Variants in PPHLN1 observed in about 807,000 individuals in gnomAD.
The protein encoded by PPHLN1 is periphilin-1.
PPHLN1 carries 29 observed loss-of-function variants against 51.3 expected under a neutral mutation model. The ratio of observed to expected loss-of-function variants is 0.57; its 90% confidence interval spans 0.42 to 0.77. The LOEUF is 0.77. PPHLN1 is among the 30% of genes least tolerant of loss of function. The pLI, the probability that PPHLN1 is intolerant of heterozygous loss-of-function variation, is 0.00. For synonymous variants in PPHLN1, 147 were observed against 147.8 expected (o/e 0.99, Z 0.04); for missense variants, 436 against 438.4 (o/e 0.99, Z 0.05).
rs748668942 is a variant in PPHLN1, at chr12:42,387,456, A to T, written c.569A>T (p.Asp190Val). ...KRQNEGNPER[D>V]KERPVQSLKT... ...TTACATCTTATGTTTTCTTATATAG[A>T]TAAAGAGAGGCCTGTCCAGTCTTTG... The change falls in exon 7 of 10, where the codon GAT becomes GTT. Residue 190 changes from aspartate to valine, a missense_variant and splice_region_variant. Coordinates refer to ENST00000358314, the MANE Select transcript of PPHLN1 (RefSeq NM_201439.2). The T allele has an allele frequency of 3.7e-6, 6 of 1,606,982 alleles. No homozygotes were observed. Among genetic ancestry groups the T allele is most frequent in the Non-Finnish European group, 5.1e-6 (6 of 1,178,040 alleles).
intron 4 of PPHLN1, among the ~76,000 whole-genome samples, chr12:42,369,591 C>A (rs2075606109): frequency 6.6e-6 from 1 of 152,198 alleles, no homozygotes; most frequent in Non-Finnish European, 1.5e-5. Context: ...CTCACATCAA[C>A]TCTGTGAAGT....
At chr12:42,396,304 T>TA (rs141496037) in intron 8 of PPHLN1, among the ~76,000 whole-genome samples, 30,201 of 151,954 alleles carry the variant, frequency 0.2, 3,397 homozygotes, top group African/African-American at 0.3. Context: ...AAGGCACACT[T>TA]AAAAAATACT....
chr12:42,345,574 A>C (rs7309736), intron 2 of PPHLN1, among the ~76,000 whole-genome samples: 1,941 of 151,282 alleles, frequency 0.013, 42 homozygotes, highest in African/African-American at 0.043. Context: ...GAAAATTCTG[A>C]TCTTTTTAAT....
rs1271516691 is a variant in PPHLN1 at position 42,341,339 on chromosome 12, A to G, written c.72+5365A>G. ...TATGATCAATTCTGATACAAAATAAATGTATTTGAGGAACTACTAGATGTG... is the reference window on the plus strand; with the variant it reads ...TATGATCAATTCTGATACAAAATAAGTGTATTTGAGGAACTACTAGATGTG... On this transcript the variant is annotated intron_variant, in intron 2 of 9. Coordinates refer to ENST00000358314, the MANE Select transcript of PPHLN1 (RefSeq NM_201439.2). 2.6e-5 allele frequency among the ~76,000 whole-genome samples: 4 copies of G among 152,146 alleles called. No homozygotes were observed. In the South Asian group the frequency reaches 6.2e-4, roughly 24 times the overall value.
chr12:42,425,267 T>G (rs1353372003), intron 9 of PPHLN1, among the ~76,000 whole-genome samples: 6 of 136,516 alleles, frequency 4.4e-5, no homozygotes, highest in Non-Finnish European at 9.6e-5. Flanking sequence ...TTTTTTTTTG[T>G]ATTTTTAGTA....
chr12:42,387,316 A>G (rs1466637796), intron 6 of PPHLN1, 140 bp from the exon 7 acceptor site: 1 of 849,830 alleles, frequency 1.2e-6, no homozygotes, highest in Non-Finnish European at 1.7e-6. Flanking sequence ...TTAGATATTA[A>G]CCTATTTAAT....
Position 42,442,084 on chromosome 12 carries a change from C to G in PPHLN1, c.*575C>G. 2.1e-6 allele frequency: 1 copy of G among 484,560 alleles called. No homozygotes were observed. Among genetic ancestry groups the G allele is most frequent in the Non-Finnish European group, 2.7e-6 (1 of 372,486 alleles). 30.0% of individuals were successfully genotyped at this position (484,560 alleles called of 1,614,324 possible). The stretch of plus-strand genomic sequence containing the variant: ...CTCAGTGTCTTCTATTACAATAATC[C>G]TGAAACTCCTGACTCTCTCACTGAT... On this transcript the variant is annotated 3_prime_UTR_variant, in exon 10 of 10. Coordinates refer to ENST00000358314, the MANE Select transcript of PPHLN1 (RefSeq NM_201439.2).
downstream of PPHLN1, chr12:42,447,991 A>G (rs1209374423): frequency 2.0e-5 from 3 of 152,198 alleles, no homozygotes; most frequent in Non-Finnish European, 2.9e-5. Context: ...CTTCCCTCAT[A>G]TGAGCAGTGA....
chr12:42,329,605 ATAC>A (rs1301821508), intron 1 of PPHLN1, among the ~76,000 whole-genome samples: 1 of 152,192 alleles, frequency 6.6e-6, no homozygotes, highest in Non-Finnish European at 1.5e-5. Context: ...ACTACTAGAA[ATAC>A]TACTAGTAGA....
intron 9 of PPHLN1, among the ~76,000 whole-genome samples, chr12:42,411,148 T>C (rs1227889320): frequency 6.6e-6 from 1 of 152,092 alleles, no homozygotes; most frequent in Non-Finnish European, 1.5e-5. Flanking sequence ...CCTTTCATTT[T>C]CCTTACACTT....
chr12:42,441,148 T>TTA (rs1264789438), intron 9 of PPHLN1, among the ~76,000 whole-genome samples, 167 bp from the exon 10 acceptor site: 2 of 152,210 alleles, frequency 1.3e-5, no homozygotes, highest in African/African-American at 4.8e-5. Flanking sequence ...GGATAGAGGT[T>TTA]TAAATGGCCT....
chr12:42,344,882 G>C (rs1293374073), intron 2 of PPHLN1, among the ~76,000 whole-genome samples: 1 of 151,866 alleles, frequency 6.6e-6, no homozygotes. Flanking sequence ...CTAATTTTGT[G>C]TATTTTTAGT....
At chr12:42,380,190 A>T (rs1327446076) in intron 5 of PPHLN1, among the ~76,000 whole-genome samples, 3 of 152,080 alleles carry the variant, frequency 2.0e-5, no homozygotes, top group Non-Finnish European at 4.4e-5. Flanking sequence ...AACATTTGCT[A>T]GGGATTAATC....
At chr12:42,442,335 G>A (rs1348279119), downstream of PPHLN1, among the ~76,000 whole-genome samples, 1 of 152,182 alleles carries the variant, frequency 6.6e-6, no homozygotes. Flanking sequence ...GGCTGAGGGC[G>A]AAGAGTAGGT....
chr12:42,411,430 G>A (rs1434680480), intron 9 of PPHLN1, among the ~76,000 whole-genome samples: 7 of 131,958 alleles, frequency 5.3e-5, no homozygotes, highest in Admixed American at 1.6e-4. Flanking sequence ...GCTTGAGACC[G>A]TCATTACAGC....
chr12:42,429,354 T>C lies in PPHLN1; in HGVS notation c.910-11961T>C, dbSNP rs114186091. On this transcript the variant is annotated intron_variant, in intron 9 of 9. Coordinates refer to ENST00000358314, the MANE Select transcript of PPHLN1 (RefSeq NM_201439.2). ...TGTTTCTACCATAAGTTATTTTAAG[T>C]CTAAGAATTTGGTCTTTGCCTTACC... Among the ~76,000 whole-genome samples the C allele has an allele frequency of 4.6e-3, 694 of 152,330 alleles. 2 individuals are homozygous for C. The highest frequency in any genetic ancestry group is 0.016 in the African/African-American group (662 of 41,576).
At position 42,441,375 on chromosome 12, in the gene PPHLN1, C is replaced by T; in HGVS notation, c.970C>T (p.Pro324Ser). ...GGTGAAAATGCTGATTGAAAAAGAT[C>T]CTTCATTAGAAAAGTCTATACAGTT... ...MVVKMLIEKD[P>S]SLEKSIQFAL... is the part of the protein sequence containing the mutation. The change falls in exon 10 of 10, where the codon CCT becomes TCT. Residue 324 changes from proline to serine, a missense_variant. Physicochemically the swap from Pro to Ser is moderately conservative, Grantham distance 74. Transcript: ENST00000358314. 6 of 1,613,724 alleles carry T rather than the reference C, an allele frequency of 3.7e-6. No individual in the cohort carries two copies. The highest frequency in any genetic ancestry group is 4.2e-6 in the Non-Finnish European group (5 of 1,179,844).
chr12:42,389,233 C>CAGAT (rs1565908952), intron 7 of PPHLN1, among the ~76,000 whole-genome samples: 31 of 151,818 alleles, frequency 2.0e-4, no homozygotes, highest in African/African-American at 7.3e-4. Context: ...ATTAGCTGGC[C>CAGAT]GTGGTGGCAG....
At chr12:42,378,497 T>C (rs2076495625) in intron 5 of PPHLN1, among the ~76,000 whole-genome samples, 1 of 152,114 alleles carries the variant, frequency 6.6e-6, no homozygotes, top group African/African-American at 2.4e-5. Context: ...AGCCACGTGT[T>C]AAAATTAAGT....
Sources: allele counts gnomAD v4.1 joint callset (sites outside exome capture counted in the v4.1 genomes callset), GRCh38; gene constraint gnomAD v4.1.1; transcripts MANE v1.5; gene names NCBI Gene and HGNC (gene_info 2026-07-23, HGNC 2026-07-21).